The following NRG1 variants were observed in gnomAD, a reference collection of about 807,000 sequenced individuals.
NRG1 encodes the protein pro-neuregulin-1, membrane-bound isoform.
Under a neutral mutation model 63.8 loss-of-function variants are expected in NRG1, and 18 were observed. That is an observed-to-expected ratio of 0.28 (90% CI 0.19 to 0.42). The LOEUF (loss-of-function observed/expected upper bound fraction) is 0.42, where lower values mean the gene tolerates loss of function less well. NRG1 is among the 10% of genes least tolerant of loss of function. The probability of loss-of-function intolerance (pLI) is 1.00; values close to 1 mark genes in which losing one functional copy is unlikely to be tolerated. For synonymous variants in NRG1, 302 were observed against 301.3 expected (o/e 1.00, Z -0.02); for missense variants, 762 against 814.7 (o/e 0.94, Z 0.79).
At chr8:32,652,773 G>C (rs1588994757) in intron 5 of NRG1, among the ~76,000 whole-genome samples, 1 of 151,672 alleles carries the variant, frequency 6.6e-6, no homozygotes, top group Admixed American at 6.6e-5. Flanking sequence ...TAGTGTGCTT[G>C]ATTCCAGTTT....
chr8:32,407,291 AT>A (rs1814168752), intron 1 of NRG1, among the ~76,000 whole-genome samples: 1 of 9,342 alleles, frequency 1.1e-4, no homozygotes, highest in African/African-American at 2.8e-4. Flanking sequence ...ATATATATAT[AT>A]ATTATATATA....
At chr8:32,468,625 C>T (rs1290436932) in intron 1 of NRG1, among the ~76,000 whole-genome samples, 1 of 152,032 alleles carries the variant, frequency 6.6e-6, no homozygotes, top group Non-Finnish European at 1.5e-5. Context: ...TTCAACTTTT[C>T]TGTTCTCCAC....
chr8:32,765,581 A>G (rs751696279), exon 12 of NRG1: 2 of 152,058 alleles, frequency 1.3e-5, no homozygotes, highest in Non-Finnish European at 2.9e-5. Context: ...TTTTTCTTTT[A>G]TCTTTCCATG....
intron 5 of NRG1, among the ~76,000 whole-genome samples, chr8:32,700,884 C>A (rs1052084032): frequency 6.6e-6 from 1 of 152,118 alleles, no homozygotes; most frequent in African/African-American, 2.4e-5. Flanking sequence ...TCCCTTTAGA[C>A]CCTTGTCACA....
At chr8:31,965,226 TA>T (rs1258870542) in intron 1 of NRG1, among the ~76,000 whole-genome samples, 4 of 74,082 alleles carry the variant, frequency 5.4e-5, no homozygotes, top group Non-Finnish European at 1.4e-4. Flanking sequence ...AGATGTCTTT[TA>T]TTTTTTTTTT....
intron 1 of NRG1, among the ~76,000 whole-genome samples, chr8:31,959,139 C>A (rs10808316): frequency 1.3e-5 from 2 of 152,062 alleles, no homozygotes; most frequent in African/African-American, 2.4e-5. Context: ...CAATAAATAC[C>A]AGTTTCTTTC....
chr8:31,809,779 T>C (rs7014206), intron 1 of NRG1, among the ~76,000 whole-genome samples: 82,109 of 112,884 alleles, frequency 0.73, 30,889 homozygotes, highest in East Asian at 0.99. Context: ...TAGTTTTGTG[T>C]TGTTTGCATT....
chr8:31,908,852 T>A (rs1252079667), intron 1 of NRG1, among the ~76,000 whole-genome samples: 1 of 152,194 alleles, frequency 6.6e-6, no homozygotes, highest in Non-Finnish European at 1.5e-5. Flanking sequence ...CCAGAATAGA[T>A]GAGAAATGGA....
intron 1 of NRG1, among the ~76,000 whole-genome samples, chr8:31,800,569 C>A (rs902458791): frequency 2.0e-5 from 3 of 152,174 alleles, no homozygotes; most frequent in Non-Finnish European, 4.4e-5. Flanking sequence ...GAATGCATAT[C>A]TCTTCTGGGA....
chr8:32,411,396 A>G (rs545898651), intron 1 of NRG1, among the ~76,000 whole-genome samples: 1 of 152,356 alleles, frequency 6.6e-6, no homozygotes, highest in South Asian at 2.1e-4. Context: ...TGTTTGTACT[A>G]TGTATAATGG....
intron 1 of NRG1, among the ~76,000 whole-genome samples, chr8:31,801,990 C>T (rs185576419): frequency 2.0e-5 from 3 of 152,264 alleles, no homozygotes; most frequent in East Asian, 1.9e-4. Context: ...CCACATGGCT[C>T]ATTCTCTGTA....
intron 1 of NRG1, among the ~76,000 whole-genome samples, chr8:32,468,557 C>T (rs866325095): frequency 4.0e-4 from 61 of 152,250 alleles, no homozygotes; most frequent in African/African-American, 1.3e-3. Context: ...CTCTGAATAA[C>T]GTGAACCTTC....
intron 1 of NRG1, among the ~76,000 whole-genome samples, chr8:32,090,191 T>A (rs1395314526): frequency 6.6e-6 from 1 of 152,228 alleles, no homozygotes; most frequent in African/African-American, 2.4e-5. Flanking sequence ...ATACCTTACA[T>A]AGATCAGATG....
intron 1 of NRG1, among the ~76,000 whole-genome samples, chr8:32,192,788 G>C (rs530388912): frequency 2.6e-5 from 4 of 151,900 alleles, no homozygotes; most frequent in Admixed American, 1.3e-4. Flanking sequence ...TTTTTAAAAG[G>C]CATCTTCAAA....
At chr8:31,970,020 A>G (rs1405143620) in intron 1 of NRG1, among the ~76,000 whole-genome samples, 1 of 152,198 alleles carries the variant, frequency 6.6e-6, no homozygotes, top group East Asian at 1.9e-4. Flanking sequence ...AAAATAATTG[A>G]TAAATTATTT....
intron 1 of NRG1, among the ~76,000 whole-genome samples, chr8:32,189,325 C>A (rs762740564): frequency 5.9e-5 from 9 of 151,972 alleles, no homozygotes; most frequent in Non-Finnish European, 1.2e-4. Context: ...TAAGTGAGAA[C>A]GTGTAGTATT....
intron 1 of NRG1, among the ~76,000 whole-genome samples, chr8:31,839,689 A>C (rs755208293): frequency 3.9e-5 from 6 of 152,206 alleles, no homozygotes; most frequent in Non-Finnish European, 8.8e-5. Context: ...CCAGTCAGTC[A>C]CAAAATGAAA....
intron 5 of NRG1, among the ~76,000 whole-genome samples, chr8:32,696,906 C>T (rs1206507214): frequency 1.3e-5 from 2 of 151,962 alleles, no homozygotes; most frequent in Non-Finnish European, 1.5e-5. Context: ...AGGTGATCCA[C>T]CCACCTCGAC....
chr8:31,768,786 G>T (rs1308493658), intron 1 of NRG1, among the ~76,000 whole-genome samples: 1 of 152,180 alleles, frequency 6.6e-6, no homozygotes, highest in Non-Finnish European at 1.5e-5. Context: ...AGAAGAATCT[G>T]CTCCCCTTGT....
Sources: allele counts gnomAD v4.1 joint callset (sites outside exome capture counted in the v4.1 genomes callset), GRCh38; gene constraint gnomAD v4.1.1; transcripts MANE v1.5; gene names NCBI Gene and HGNC (gene_info 2026-07-23, HGNC 2026-07-21).